Variants in MCTP1 observed in about 807,000 individuals in gnomAD.
MCTP1 encodes multiple C2 and transmembrane domain-containing protein 1.
MCTP1 carries 69 observed loss-of-function variants against 120.6 expected under a neutral mutation model. The ratio of observed to expected loss-of-function variants is 0.57; its 90% CI spans 0.47 to 0.70. The LOEUF is 0.70. Ranked by LOEUF, MCTP1 falls within the 30% of genes least tolerant of loss-of-function variation. The pLI is 0.00. For missense variants in MCTP1, 1,203 were observed against 1,248.8 expected (o/e 0.96, Z 0.55); for synonymous variants, 529 against 493.1 (o/e 1.07, Z -0.96).
chr5:95,096,648 A>G (rs1756290729), intron 1 of MCTP1, among the ~76,000 whole-genome samples: 1 of 152,236 alleles, frequency 6.6e-6, no homozygotes. Flanking sequence ...TAATTCGTGC[A>G]GTATTCTTAG....
At chr5:95,148,505 T>C (rs1007056179) in intron 1 of MCTP1, among the ~76,000 whole-genome samples, 4 of 152,236 alleles carry the variant, frequency 2.6e-5, no homozygotes, top group Non-Finnish European at 5.9e-5. Context: ...TCTGATTACA[T>C]TGTGAAATTC....
intron 1 of MCTP1, among the ~76,000 whole-genome samples, chr5:95,167,391 C>T (rs1746553359): frequency 6.6e-6 from 1 of 152,130 alleles, no homozygotes; most frequent in Admixed American, 6.5e-5. Context: ...GTCTTTATAG[C>T]AGTATGATTT....
intron 18 of MCTP1, among the ~76,000 whole-genome samples, chr5:94,786,892 A>G (rs1334478755): frequency 2.0e-5 from 3 of 152,196 alleles, no homozygotes; most frequent in African/African-American, 7.2e-5. Context: ...AAATTTGTCC[A>G]GCTTCAGTGA....
intron 2 of MCTP1, among the ~76,000 whole-genome samples, chr5:94,968,997 A>G (rs189005048): frequency 6.6e-6 from 1 of 152,322 alleles, no homozygotes; most frequent in Admixed American, 6.5e-5. Context: ...GGTAGCCTTA[A>G]CTTTAGAATT....
At chr5:95,055,494 C>T (rs1236760793) in intron 1 of MCTP1, among the ~76,000 whole-genome samples, 3 of 152,130 alleles carry the variant, frequency 2.0e-5, no homozygotes, top group African/African-American at 7.2e-5. Flanking sequence ...CTGATTTAAT[C>T]TTTATAAACA....
chr5:95,226,163 A>G (rs1016298556), intron 1 of MCTP1, among the ~76,000 whole-genome samples: 2 of 151,984 alleles, frequency 1.3e-5, no homozygotes, highest in African/African-American at 2.4e-5. Context: ...CCAAGTCCCC[A>G]AAGTCCATTT....
chr5:95,172,577 T>C (rs1392247178), intron 1 of MCTP1, among the ~76,000 whole-genome samples: 4 of 135,226 alleles, frequency 3.0e-5, no homozygotes, highest in African/African-American at 1.1e-4. Flanking sequence ...TATTACTTTC[T>C]TCATATCAAA....
intron 2 of MCTP1, among the ~76,000 whole-genome samples, chr5:94,962,772 T>C (rs1046372587): frequency 6.6e-6 from 1 of 152,126 alleles, no homozygotes; most frequent in Non-Finnish European, 1.5e-5. Flanking sequence ...GGGTACAGTG[T>C]ACACTGCTTG....
At chr5:95,148,809 T>C (rs1222271389) in intron 1 of MCTP1, among the ~76,000 whole-genome samples, 3 of 152,190 alleles carry the variant, frequency 2.0e-5, no homozygotes, top group Admixed American at 6.5e-5. Flanking sequence ...AGAGGGCTGG[T>C]GATCCTTTCC....
intron 1 of MCTP1, among the ~76,000 whole-genome samples, chr5:95,035,229 C>A (rs552750999): frequency 6.6e-6 from 1 of 151,674 alleles, no homozygotes; most frequent in Admixed American, 6.6e-5. Context: ...GCCATCTACC[C>A]GAAGGAAAAA....
At chr5:95,239,041 CA>C (rs1235257046) in intron 1 of MCTP1, among the ~76,000 whole-genome samples, 2 of 152,094 alleles carry the variant, frequency 1.3e-5, no homozygotes, top group African/African-American at 4.8e-5. Flanking sequence ...CTGTACCACC[CA>C]AAACAGATTT....
intron 1 of MCTP1, among the ~76,000 whole-genome samples, chr5:95,106,291 C>T (rs1038962201): frequency 6.6e-6 from 1 of 152,202 alleles, no homozygotes; most frequent in Non-Finnish European, 1.5e-5. Context: ...TGTGCTGAAG[C>T]TATTTGCAGA....
chr5:95,147,112 A>C (rs187081413), intron 1 of MCTP1, among the ~76,000 whole-genome samples: 1 of 152,056 alleles, frequency 6.6e-6, no homozygotes, highest in African/African-American at 2.4e-5. Context: ...TTTAAGACAG[A>C]GTCTCACTCT....
intron 1 of MCTP1, among the ~76,000 whole-genome samples, chr5:95,171,670 T>A (rs1747310075): frequency 6.6e-6 from 1 of 152,228 alleles, no homozygotes; most frequent in African/African-American, 2.4e-5. Context: ...TGATCTTCCA[T>A]CGCTGGTACC....
intron 2 of MCTP1, among the ~76,000 whole-genome samples, chr5:94,997,038 A>G (rs943569708): frequency 6.6e-6 from 1 of 152,126 alleles, no homozygotes; most frequent in African/African-American, 2.4e-5. Flanking sequence ...AAAATGAGCT[A>G]AGGTACTCGA....
chr5:95,191,668 T>C (rs1457717626), intron 1 of MCTP1, among the ~76,000 whole-genome samples: 1 of 152,052 alleles, frequency 6.6e-6, no homozygotes, highest in African/African-American at 2.4e-5. Flanking sequence ...TGAAAATATT[T>C]CCTCTACTAT....
At chr5:95,186,635 G>C (rs1031788937) in intron 1 of MCTP1, among the ~76,000 whole-genome samples, 1 of 152,136 alleles carries the variant, frequency 6.6e-6, no homozygotes, top group Non-Finnish European at 1.5e-5. Context: ...CAAAATCCCA[G>C]CTTTGTGGAC....
At chr5:94,832,947 G>T (rs1580929224) in intron 17 of MCTP1, among the ~76,000 whole-genome samples, 1 of 152,204 alleles carries the variant, frequency 6.6e-6, no homozygotes, top group Admixed American at 6.5e-5. Flanking sequence ...CTACAACAGG[G>T]TGGGTAGAGA....
intron 1 of MCTP1, among the ~76,000 whole-genome samples, chr5:95,051,807 T>C (rs2152005777): frequency 6.6e-6 from 1 of 152,232 alleles, no homozygotes; most frequent in South Asian, 2.1e-4. Flanking sequence ...ACACAACATG[T>C]TCTCACTTAT....
Sources: gnomAD v4.1 joint callset for allele counts (sites outside exome capture counted in the v4.1 genomes callset) on GRCh38, gnomAD v4.1.1 for gene constraint, MANE v1.5 for transcripts, NCBI Gene and HGNC (gene_info 2026-07-23, HGNC 2026-07-21) for gene names.